The following HPF1 variants were observed in gnomAD, a reference collection of about 807,000 sequenced individuals.
HPF1 encodes the protein UPF0609 protein C4orf27.
In HPF1, 35 loss-of-function variants were observed where a neutral mutation model predicts 38.8. That is an observed-to-expected ratio of 0.90 (90% CI 0.69 to 1.19). The LOEUF is 1.19. HPF1 is among the 50% of genes most tolerant of loss of function. HPF1 has a pLI of 0.00. For missense variants in HPF1, 367 were observed against 405.8 expected, an observed-to-expected ratio of 0.90 and a Z score of 0.82; for synonymous variants, 115 against 139.2, an observed-to-expected ratio of 0.83 and a Z score of 1.22.
chr4:169,753,488 G>A (rs1349533263), intron 2 of HPF1, among the ~76,000 whole-genome samples, 188 bp downstream of exon 2: 2 of 152,236 alleles, frequency 1.3e-5, no homozygotes, highest in East Asian at 3.9e-4. Flanking sequence ...ACCACGTCTA[G>A]TTTTTTGTTT....
At chr4:169,755,992 G>A (rs1734184171) in intron 1 of HPF1, among the ~76,000 whole-genome samples, 2 of 152,162 alleles carry the variant, frequency 1.3e-5, no homozygotes, top group Non-Finnish European at 2.9e-5. Flanking sequence ...GGATTATAAT[G>A]TGTCTGATTT....
intron 2 of HPF1, among the ~76,000 whole-genome samples, chr4:169,751,107 A>C (rs568315682): frequency 1.3e-5 from 2 of 152,248 alleles, no homozygotes; most frequent in Admixed American, 1.3e-4. Flanking sequence ...TGTGTGGATT[A>C]AGAGTAGTAA....
intron 2 of HPF1, among the ~76,000 whole-genome samples, chr4:169,753,237 T>C (rs1469511081): frequency 6.6e-6 from 1 of 152,092 alleles, no homozygotes; most frequent in African/African-American, 2.4e-5. Flanking sequence ...TTTCACTGTG[T>C]TGCCCAGACG....
intron 1 of HPF1, among the ~76,000 whole-genome samples, chr4:169,757,138 G>A (rs1165112907): frequency 6.6e-6 from 1 of 152,094 alleles, no homozygotes; most frequent in African/African-American, 2.4e-5. Flanking sequence ...TAAAGTATGA[G>A]AATGCACACA....
chr4:169,753,103 G>A (rs1295660937), intron 2 of HPF1, among the ~76,000 whole-genome samples: 3 of 124,898 alleles, frequency 2.4e-5, no homozygotes, highest in South Asian at 2.7e-4. Flanking sequence ...GCACAATCTC[G>A]ACTCACTGCA....
chr4:169,757,760 C>T, intron 1 of HPF1, 70 bp downstream of exon 1: 3 of 1,365,712 alleles, frequency 2.2e-6, no homozygotes, highest in African/African-American at 1.4e-5. Flanking sequence ...GAATGAAAAG[C>T]GCTGCCTCCT....
chr4:169,755,065 CG>C (rs750557679), intron 1 of HPF1, among the ~76,000 whole-genome samples: 14,608 of 127,748 alleles, frequency 0.11, 2,244 homozygotes, highest in African/African-American at 0.4. Context: ...TCCCTCCCCC[CG>C]CCCCCTCATA....
intron 2 of HPF1, among the ~76,000 whole-genome samples, chr4:169,751,190 G>A (rs1734114362): frequency 6.6e-6 from 1 of 152,130 alleles, no homozygotes; most frequent in African/African-American, 2.4e-5. Context: ...CTGATCACCT[G>A]AGGTCAGGAG....
intron 4 of HPF1, among the ~76,000 whole-genome samples, chr4:169,743,429 T>TTTTTTTTTTTTTTA (rs1734005601): frequency 6.8e-6 from 1 of 147,442 alleles, no homozygotes; most frequent in East Asian, 2.0e-4. Flanking sequence ...TTTTTTTTTT[T>TTTTTTTTTTTTTTA]TTTTTCATTT....
intron 6 of HPF1, among the ~76,000 whole-genome samples, chr4:169,733,358 G>C (rs1733853583): frequency 6.6e-6 from 1 of 152,070 alleles, no homozygotes; most frequent in Non-Finnish European, 1.5e-5. Context: ...TATCTATTTA[G>C]ACTTCCTTTT....
intron 2 of HPF1, among the ~76,000 whole-genome samples, chr4:169,751,043 T>C (rs779502407): frequency 1.3e-5 from 2 of 152,162 alleles, no homozygotes; most frequent in South Asian, 4.2e-4. Context: ...ACACTGCAGT[T>C]AGCCTCAAAT....
intron 4 of HPF1, among the ~76,000 whole-genome samples, chr4:169,746,971 C>T (rs1581320460): frequency 7.8e-6 from 1 of 128,442 alleles, no homozygotes; most frequent in South Asian, 2.6e-4. Flanking sequence ...GTTACATGAC[C>T]ACTATTATGT....
intron 1 of HPF1, among the ~76,000 whole-genome samples, chr4:169,754,912 TA>T (rs1734167095): frequency 6.6e-6 from 1 of 151,884 alleles, no homozygotes; most frequent in African/African-American, 2.4e-5. Flanking sequence ...CATATTTATA[TA>T]TTTTTTTATT....
intron 4 of HPF1, among the ~76,000 whole-genome samples, chr4:169,747,285 T>C (rs1734061750): frequency 1.3e-5 from 2 of 151,796 alleles, no homozygotes. Context: ...TAAAAGAAGT[T>C]ATAAATTACA....
chr4:169,737,804 ATCCCC>A, intron 5 of HPF1, 57 bp from the exon 6 acceptor site: 7 of 1,061,476 alleles, frequency 6.6e-6, no homozygotes, highest in South Asian at 1.3e-5. Context: ...AAAAAAAAAA[ATCCCC>A]AAATACATAA....
In HPF1 at chr4:169,729,678, G is replaced by C; in HGVS notation, c.941C>G (p.Pro314Arg). The change falls in exon 8 of 8, where the codon CCT (proline) becomes CGT (arginine). Residue 314 changes from proline (P) to arginine (R), a missense_variant. By Grantham distance (103) the Pro-to-Arg change is moderately radical. Coordinates refer to ENST00000393381, the MANE Select transcript of HPF1 (RefSeq NM_017867.3). ...YFHKVAGQLL[P>R]LAYNLLKRNL... ...CCTCTTCAACAGATTATATGCAAGA[G>C]GTAAAAGCTGGCCAGCAACTTTATG... 11 of 1,552,652 alleles carry C rather than the reference G, an allele frequency of 7.1e-6. No homozygotes were observed. Among genetic ancestry groups the C allele is most frequent in the South Asian group, 2.5e-5 (2 of 79,952 alleles).
At chr4:169,755,571 C>T (rs944530136) in intron 1 of HPF1, among the ~76,000 whole-genome samples, 7 of 152,172 alleles carry the variant, frequency 4.6e-5, no homozygotes, top group East Asian at 1.9e-4. Flanking sequence ...GTATGCTCTC[C>T]TAAGGTCCTG....
Position 169,750,592 on chromosome 4 carries a change from C to T in HPF1, c.342G>A (p.Glu114=). The change falls in exon 3 of 8, where the codon GAG becomes GAA. Residue 114 remains glutamate (E), a synonymous_variant. Coordinates refer to ENST00000393381, the MANE Select transcript of HPF1 (RefSeq NM_017867.3). ...LHWRFYYDPP[E]FQTIIIGDNK... The stretch of plus-strand genomic sequence containing the variant: ...TATCTCCAATAATAATGGTCTGGAA[C>T]TCAGGAGGATCATAGTAAAACCTCC... 6.2e-7 allele frequency: 1 copy of T among 1,613,250 alleles called. No homozygotes were observed. Among genetic ancestry groups the T allele is most frequent in the Non-Finnish European group, 8.5e-7 (1 of 1,179,686 alleles).
At chr4:169,753,027 G>GGT (rs1256723243) in intron 2 of HPF1, among the ~76,000 whole-genome samples, 1 of 73,500 alleles carries the variant, frequency 1.4e-5, no homozygotes. Flanking sequence ...TCCTTGGTTA[G>GGT]GTTTTTTTTT....
Sources: allele counts gnomAD v4.1 joint callset (sites outside exome capture counted in the v4.1 genomes callset), GRCh38; gene constraint gnomAD v4.1.1; transcripts MANE v1.5; gene names NCBI Gene and HGNC (gene_info 2026-07-23, HGNC 2026-07-21).